Variants in ESF1 observed in about 807,000 individuals in gnomAD.
ESF1 encodes ESF1 homolog.
A neutral mutation model predicts 92.0 loss-of-function variants in ESF1; 58 were observed. The observed-to-expected ratio is 0.63, with a 90% CI of 0.51 to 0.78. ESF1 has a LOEUF of 0.78. ESF1 is among the 30% of genes least tolerant of loss of function. The pLI is 0.00. For missense variants in ESF1, 922 were observed against 989.1 expected (o/e 0.93, Z 0.91); for synonymous variants, 321 against 313.7 (o/e 1.02, Z -0.24).
chr20:13,728,089 C>A (rs913821130), intron 11 of ESF1, among the ~76,000 whole-genome samples: 1 of 152,134 alleles, frequency 6.6e-6, no homozygotes, highest in East Asian at 1.9e-4. Context: ...TTTATAGAGT[C>A]GATCTGACTG....
intron 4 of ESF1, among the ~76,000 whole-genome samples, chr20:13,774,057 T>G (rs1979813425): frequency 6.6e-6 from 1 of 151,510 alleles, no homozygotes; most frequent in African/African-American, 2.4e-5. Flanking sequence ...ATTGCGCCAC[T>G]GCACTCCAGC....
At chr20:13,744,719 G>A (rs1019313372) in intron 9 of ESF1, among the ~76,000 whole-genome samples, 2 of 152,154 alleles carry the variant, frequency 1.3e-5, no homozygotes, top group African/African-American at 2.4e-5. Context: ...GGTGACTACT[G>A]TCATTTCCAT....
intron 9 of ESF1, among the ~76,000 whole-genome samples, chr20:13,747,853 C>A (rs894426074): frequency 6.6e-6 from 1 of 152,106 alleles, no homozygotes; most frequent in Non-Finnish European, 1.5e-5. Flanking sequence ...TATACTTATA[C>A]AAACCTAGAT....
chr20:13,782,917 G>C lies in ESF1; in HGVS notation c.224C>G (p.Ser75Ter). ...ACCAGAGAGATTGGAATCAGAATCT[G>C]AAAGGTCGTAAAAACGCTTCAAATC... is the stretch of plus-strand genomic sequence containing the variant. The part of the protein sequence containing the change: ...TEDLKRFYDL[S>*]DSDSNLSGED... The change falls in exon 2 of 14, where the codon TCA becomes TGA. Residue 75 changes from serine to a stop codon, truncating the protein, a stop_gained. Transcript: ENST00000617257. LOFTEE classifies it high-confidence loss of function. 6.2e-7 allele frequency: 1 copy of C among 1,614,042 alleles called. No individual in the cohort carries two copies. Among genetic ancestry groups the C allele is most frequent in the Non-Finnish European group, 8.5e-7 (1 of 1,180,014 alleles).
Position 13,782,845 on chromosome 20 carries a change from GT to G in ESF1, c.295del (p.Thr99ProfsTer12). The part of the protein sequence containing the change: ...LSQKKIKKKK[T>X]QTKKEIDSKN... ...TGAATCGATTTCTTTTTTAGTCTGG[GT>G]TTTTTTCTTCTTTATTTTCTTTTGA... On this transcript the variant is annotated frameshift_variant, in exon 2 of 14. Transcript: ENST00000617257. LOFTEE classifies it high-confidence loss of function. 2 of 1,602,370 alleles carry G rather than the reference GT, an allele frequency of 1.2e-6. No homozygotes were observed. The highest frequency in any genetic ancestry group is 2.2e-5 in the East Asian group (1 of 44,800).
intron 9 of ESF1, 118 bp from the exon 10 acceptor site, chr20:13,733,960 C>T (rs576833262): frequency 8.2e-7 from 1 of 1,214,956 alleles, no homozygotes; most frequent in Admixed American, 2.7e-5. Flanking sequence ...ACAAAGATAA[C>T]ATGCAATGGT....
At chr20:13,779,153 TA>T (rs1980071593) in intron 2 of ESF1, among the ~76,000 whole-genome samples, 1 of 152,208 alleles carries the variant, frequency 6.6e-6, no homozygotes, top group Admixed American at 6.5e-5. Flanking sequence ...TCTCTATTCC[TA>T]GACAGTATTG....
At chr20:13,736,886 C>G (rs138073063) in intron 9 of ESF1, among the ~76,000 whole-genome samples, 13 of 152,212 alleles carry the variant, frequency 8.5e-5, no homozygotes, top group African/African-American at 1.4e-4. Flanking sequence ...TTAATACACC[C>G]AAATAGCAGC....
At chr20:13,766,486 G>A (rs1037783454) in intron 8 of ESF1, among the ~76,000 whole-genome samples, 2 of 152,178 alleles carry the variant, frequency 1.3e-5, no homozygotes, top group African/African-American at 4.8e-5. Context: ...AAAGGCAAAT[G>A]AGGGGAGATG....
chr20:13,724,342 G>A (rs1177344374), intron 11 of ESF1, among the ~76,000 whole-genome samples: 1 of 151,948 alleles, frequency 6.6e-6, no homozygotes, highest in East Asian at 1.9e-4. Context: ...TTACAAACTG[G>A]TAAATTTTGA....
At chr20:13,732,160 G>T (rs527550503) in intron 10 of ESF1, among the ~76,000 whole-genome samples, 1 of 152,180 alleles carries the variant, frequency 6.6e-6, no homozygotes, top group Non-Finnish European at 1.5e-5. Context: ...GGTGGAGGCA[G>T]TCTTGGGGAC....
At chr20:13,779,383 C>T (rs1228862298) in intron 2 of ESF1, among the ~76,000 whole-genome samples, 2 of 152,066 alleles carry the variant, frequency 1.3e-5, no homozygotes, top group Admixed American at 6.5e-5. Flanking sequence ...AGTATACAAC[C>T]ATATCCCTAA....
At chr20:13,756,174 A>C (rs995588591) in intron 9 of ESF1, among the ~76,000 whole-genome samples, 1 of 152,250 alleles carries the variant, frequency 6.6e-6, no homozygotes, top group African/African-American at 2.4e-5. Context: ...TGGTATTATT[A>C]GTTCCAATTT....
chr20:13,782,777 G>A lies in ESF1; in HGVS notation c.364C>T (p.His122Tyr), dbSNP rs143300166. The A allele has an allele frequency of 4.4e-6, 7 of 1,603,900 alleles. No homozygotes were observed. Among genetic ancestry groups the A allele is most frequent in the Non-Finnish European group, 5.9e-6 (7 of 1,177,666 alleles). The change falls in exon 2 of 14, where the codon CAC (histidine) becomes TAC (tyrosine). Residue 122 changes from histidine (H) to tyrosine (Y), a missense_variant. Physicochemically the swap from His to Tyr is moderately conservative, Grantham distance 83. Coordinates refer to ENST00000617257, the MANE Select transcript of ESF1 (RefSeq NM_001276380.2). ...EKKKETKKAN[H>Y]KGSENKTDLD... ...TCAGTTTTATTTTCAGAACCCTTGTGATTAGCCTTCTTGGTTTCTTTCTTT... is the reference window on the plus strand; with the variant it reads ...TCAGTTTTATTTTCAGAACCCTTGTAATTAGCCTTCTTGGTTTCTTTCTTT...
chr20:13,754,671 A>T (rs1392239529), intron 9 of ESF1, among the ~76,000 whole-genome samples: 1 of 152,150 alleles, frequency 6.6e-6, no homozygotes, highest in Non-Finnish European at 1.5e-5. Flanking sequence ...TGATCTCCCC[A>T]ATTTGGTCCT....
intron 9 of ESF1, among the ~76,000 whole-genome samples, chr20:13,751,855 C>T (rs562630102): frequency 1.2e-4 from 19 of 152,152 alleles, no homozygotes; most frequent in South Asian, 1.2e-3. Flanking sequence ...ATTAGCTGGG[C>T]GTAGTGGCCC....
At chr20:13,730,711 T>C (rs2049937199) in intron 10 of ESF1, among the ~76,000 whole-genome samples, 1 of 151,886 alleles carries the variant, frequency 6.6e-6, no homozygotes, top group African/African-American at 2.4e-5. Flanking sequence ...GAATTTTTTT[T>C]TTTTTTTACC....
intron 11 of ESF1, among the ~76,000 whole-genome samples, chr20:13,721,423 T>C (rs1037479107): frequency 3.9e-5 from 6 of 152,038 alleles, no homozygotes; most frequent in Middle Eastern, 3.4e-3. Flanking sequence ...GACAGAAGGG[T>C]TGGAGACTGA....
At chr20:13,730,464 C>T (rs564583645) in intron 10 of ESF1, among the ~76,000 whole-genome samples, 58 of 150,290 alleles carry the variant, frequency 3.9e-4, no homozygotes, top group African/African-American at 1.1e-3. Flanking sequence ...GCTCACTGCA[C>T]GCTCCACCTC....
Sources: allele counts gnomAD v4.1 joint callset (sites outside exome capture counted in the v4.1 genomes callset), GRCh38; gene constraint gnomAD v4.1.1; transcripts MANE v1.5; gene names NCBI Gene and HGNC (gene_info 2026-07-23, HGNC 2026-07-21).